Variants in SLC25A48 observed in about 807,000 individuals in gnomAD.
SLC25A48 encodes solute carrier family 25 member 48, also known as CTC-321K16.1.
Under a neutral mutation model 32.2 loss-of-function variants are expected in SLC25A48, and 29 were observed. The ratio of observed to expected loss-of-function variants is 0.90; its 90% CI spans 0.67 to 1.23. The LOEUF is 1.23. SLC25A48 is among the 50% of genes most tolerant of loss of function. The probability of loss-of-function intolerance (pLI) is 0.00; values close to 1 mark genes in which losing one functional copy is unlikely to be tolerated. For synonymous variants in SLC25A48, 164 were observed against 172.3 expected (o/e 0.95, Z 0.38); for missense variants, 399 against 422.7 (o/e 0.94, Z 0.49).
At chr5:135,692,894 G>A (rs991289915) in intron 3 of SLC25A48, among the ~76,000 whole-genome samples, 2 of 152,298 alleles carry the variant, frequency 1.3e-5, no homozygotes, top group South Asian at 4.1e-4. Context: ...CTGAGCTGAA[G>A]ACTGAGATTT....
At chr5:135,691,598 C>G (rs1030761609) in intron 3 of SLC25A48, among the ~76,000 whole-genome samples, 1 of 152,208 alleles carries the variant, frequency 6.6e-6, no homozygotes, top group Non-Finnish European at 1.5e-5. Context: ...GCTTTCCATA[C>G]TATAACTAGA....
chr5:135,781,395 T>G (rs1756714134), intron 3 of SLC25A48, among the ~76,000 whole-genome samples: 2 of 114,552 alleles, frequency 1.7e-5, no homozygotes, highest in Admixed American at 9.1e-5. Flanking sequence ...ATACAGGGGG[T>G]AGAGGATGAT....
chr5:135,732,842 G>C (rs544719403), intron 3 of SLC25A48, among the ~76,000 whole-genome samples: 47 of 152,334 alleles, frequency 3.1e-4, no homozygotes, highest in African/African-American at 1.0e-3. Flanking sequence ...GTGAGGGATA[G>C]AAGTTGGAAA....
intron 3 of SLC25A48, among the ~76,000 whole-genome samples, chr5:135,670,695 G>T (rs1421853387): frequency 2.0e-5 from 3 of 152,186 alleles, no homozygotes; most frequent in African/African-American, 7.2e-5. Context: ...CCTGAAAGGG[G>T]TCTCACTCGG....
At chr5:135,718,243 C>A (rs913552669) in intron 3 of SLC25A48, among the ~76,000 whole-genome samples, 9 of 152,142 alleles carry the variant, frequency 5.9e-5, no homozygotes, top group African/African-American at 2.2e-4. Context: ...CCCCAGCAGG[C>A]TTTACTTCAT....
intron 3 of SLC25A48, among the ~76,000 whole-genome samples, chr5:135,750,893 ACT>A (rs76532210): frequency 0.3 from 45,565 of 151,512 alleles, 6,967 homozygotes; most frequent in East Asian, 0.46. Context: ...TGCCTGTTTC[ACT>A]CTCTCTCTGG....
At chr5:135,765,379 A>C (rs1756185782) in intron 3 of SLC25A48, among the ~76,000 whole-genome samples, 4 of 151,154 alleles carry the variant, frequency 2.6e-5, no homozygotes, top group Non-Finnish European at 5.9e-5. Flanking sequence ...ACTACTCTTC[A>C]TATCGCTGGT....
intron 1 of SLC25A48, among the ~76,000 whole-genome samples, chr5:135,580,532 A>G (rs913142685): frequency 7.2e-5 from 11 of 152,214 alleles, no homozygotes; most frequent in Non-Finnish European, 1.5e-4. Flanking sequence ...TGCTTCAAGA[A>G]GAAGCTGAGC....
chr5:135,738,071 C>T (rs1755417249), intron 3 of SLC25A48, among the ~76,000 whole-genome samples: 1 of 152,188 alleles, frequency 6.6e-6, no homozygotes, highest in Non-Finnish European at 1.5e-5. Flanking sequence ...AGAGACTTTC[C>T]TCGATACTCT....
chr5:135,887,782 C>T (rs377729262), intron 7 of SLC25A48, among the ~76,000 whole-genome samples: 21 of 152,170 alleles, frequency 1.4e-4, no homozygotes, highest in East Asian at 5.8e-4. Flanking sequence ...GCCACCTGTG[C>T]TCTTGCAGGC....
At chr5:135,679,479 G>T (rs1298296554) in intron 3 of SLC25A48, among the ~76,000 whole-genome samples, 1 of 152,152 alleles carries the variant, frequency 6.6e-6, no homozygotes, top group Non-Finnish European at 1.5e-5. Context: ...GGAGAGCAAG[G>T]TTACTTTGGT....
At chr5:135,744,181 C>T (rs997667882) in intron 3 of SLC25A48, among the ~76,000 whole-genome samples, 1 of 152,106 alleles carries the variant, frequency 6.6e-6, no homozygotes, top group Non-Finnish European at 1.5e-5. Flanking sequence ...GCTTTTTCCC[C>T]TTTTAAAGAA....
Position 135,646,678 on chromosome 5 carries a change from T to C in SLC25A48, c.-521+11722T>C, listed in dbSNP as rs866116259. On this transcript the variant is annotated intron_variant, in intron 3 of 10. Transcript: ENST00000646290. ...TTCCCATTATATATATATATATATA[T>C]ACAATGGGAAGGACATAATGCTAAG... Among the ~76,000 whole-genome samples the C allele has an allele frequency of 3.1e-4, 43 of 136,734 alleles. 2 individuals carry two copies. The highest frequency in any genetic ancestry group is 7.1e-4 in the African/African-American group (26 of 36,484). The allele number at this position is 136,734 out of a possible 152,430, so 89.7% of individuals were successfully genotyped here. A position where few individuals can be genotyped will look rare whatever the true frequency, so the allele number is the denominator to read the frequency against.
intron 3 of SLC25A48, among the ~76,000 whole-genome samples, chr5:135,789,489 A>C (rs35269426): frequency 0.65 from 98,340 of 150,676 alleles, 34,181 homozygotes; most frequent in Middle Eastern, 0.78. Context: ...CAGGTGTACA[A>C]CCGCCTGCGG....
At chr5:135,586,653 G>A (rs1751373188) in intron 1 of SLC25A48, among the ~76,000 whole-genome samples, 1 of 152,202 alleles carries the variant, frequency 6.6e-6, no homozygotes, top group African/African-American at 2.4e-5. Context: ...GCATTGAGGA[G>A]GATGGTTCAG....
At chr5:135,681,830 A>C (rs745979179) in intron 3 of SLC25A48, among the ~76,000 whole-genome samples, 3 of 152,140 alleles carry the variant, frequency 2.0e-5, no homozygotes, top group Non-Finnish European at 2.9e-5. Context: ...TGCCCTCTGA[A>C]TGTGCTATCT....
chr5:135,599,594 T>G (rs555981061), intron 1 of SLC25A48, among the ~76,000 whole-genome samples: 1 of 152,018 alleles, frequency 6.6e-6, no homozygotes, highest in East Asian at 1.9e-4. Context: ...AGGCTGGGAG[T>G]TGTGAGGCCC....
At chr5:135,771,107 C>T (rs1257329382) in intron 3 of SLC25A48, among the ~76,000 whole-genome samples, 1 of 151,152 alleles carries the variant, frequency 6.6e-6, no homozygotes, top group African/African-American at 2.4e-5. Flanking sequence ...GGGGTGTACA[C>T]CCCCCCGGTG....
intron 1 of SLC25A48, among the ~76,000 whole-genome samples, chr5:135,839,531 G>A (rs1243983379): frequency 6.6e-6 from 1 of 152,190 alleles, no homozygotes; most frequent in Non-Finnish European, 1.5e-5. Context: ...GACTTGCCTT[G>A]TCTCAGATGA....
Sources: gnomAD v4.1 joint callset for allele counts (sites outside exome capture counted in the v4.1 genomes callset) on GRCh38, gnomAD v4.1.1 for gene constraint, MANE v1.5 for transcripts, NCBI Gene and HGNC (gene_info 2026-07-23, HGNC 2026-07-21) for gene names.